The following APBA1 variants were observed in gnomAD, a reference collection of about 807,000 sequenced individuals.
APBA1 encodes the protein amyloid-beta A4 precursor protein-binding family A member 1.
APBA1 carries 55 observed loss-of-function variants against 86.6 expected under a neutral mutation model. The ratio of observed to expected loss-of-function variants is 0.64; its 90% CI spans 0.51 to 0.80. APBA1 has a LOEUF of 0.80. APBA1 is among the 30% of genes least tolerant of loss of function. The pLI, the probability that APBA1 is intolerant of heterozygous loss-of-function variation, is 0.00. For synonymous variants in APBA1, 511 were observed against 493.9 expected, an observed-to-expected ratio of 1.03 and a Z score of -0.46; for missense variants, 1,090 against 1,183.0, an observed-to-expected ratio of 0.92 and a Z score of 1.15.
At chr9:69,502,589 A>G (rs1426650266) in intron 2 of APBA1, among the ~76,000 whole-genome samples, 1 of 152,060 alleles carries the variant, frequency 6.6e-6, no homozygotes, top group South Asian at 2.1e-4. Flanking sequence ...GTTGTTATTG[A>G]CAACTAAAGT....
intron 5 of APBA1, among the ~76,000 whole-genome samples, chr9:69,459,467 G>GT (rs1835155072): frequency 6.6e-6 from 1 of 152,174 alleles, no homozygotes; most frequent in Non-Finnish European, 1.5e-5. Context: ...ATGTTATAAG[G>GT]TGCACACACA....
At chr9:69,472,268 AC>A (rs1835378549) in intron 3 of APBA1, among the ~76,000 whole-genome samples, 2 of 152,152 alleles carry the variant, frequency 1.3e-5, no homozygotes, top group Admixed American at 6.5e-5. Flanking sequence ...TAAATTAAAA[AC>A]CCTGGAATTT....
intron 2 of APBA1, among the ~76,000 whole-genome samples, chr9:69,489,604 C>T (rs1040654561): frequency 6.6e-6 from 1 of 152,082 alleles, no homozygotes; most frequent in African/African-American, 2.4e-5. Flanking sequence ...TCAGAATCTA[C>T]AATGAACTCA....
intron 1 of APBA1, among the ~76,000 whole-genome samples, chr9:69,542,569 A>G (rs1836631301): frequency 6.6e-6 from 1 of 152,246 alleles, no homozygotes. Context: ...AATTATGAAT[A>G]AAGCTGCTAT....
At chr9:69,643,588 C>G (rs1387941186) in intron 1 of APBA1, among the ~76,000 whole-genome samples, 1 of 152,152 alleles carries the variant, frequency 6.6e-6, no homozygotes, top group East Asian at 1.9e-4. Flanking sequence ...GGATACTTCT[C>G]TATGCACATG....
At chr9:69,588,542 A>AG (rs1001289540) in intron 1 of APBA1, among the ~76,000 whole-genome samples, 2 of 128,142 alleles carry the variant, frequency 1.6e-5, no homozygotes, top group African/African-American at 5.5e-5. Flanking sequence ...TGTGAAGATG[A>AG]GAAAAAAAAA....
chr9:69,607,616 T>A (rs1159020196), intron 1 of APBA1, among the ~76,000 whole-genome samples: 1 of 152,196 alleles, frequency 6.6e-6, no homozygotes, highest in Non-Finnish European at 1.5e-5. Context: ...TAGTACTCAT[T>A]CATAAATAAA....
intron 8 of APBA1, among the ~76,000 whole-genome samples, chr9:69,455,180 G>A (rs778162657): frequency 3.3e-5 from 5 of 152,156 alleles, no homozygotes; most frequent in Non-Finnish European, 5.9e-5. Flanking sequence ...AAGGAACCAA[G>A]GCTATCAGAC....
chr9:69,629,656 C>T (rs907354336), intron 1 of APBA1, among the ~76,000 whole-genome samples: 2 of 152,150 alleles, frequency 1.3e-5, no homozygotes, highest in East Asian at 3.9e-4. Flanking sequence ...GGAGTTCAGT[C>T]GAGTTAGGGG....
At chr9:69,597,562 G>A (rs999903368) in intron 1 of APBA1, among the ~76,000 whole-genome samples, 1 of 152,166 alleles carries the variant, frequency 6.6e-6, no homozygotes, top group African/African-American at 2.4e-5. Flanking sequence ...ATTGCTTTTG[G>A]TGTTTTAGAC....
At chr9:69,568,143 G>A (rs751258055) in intron 1 of APBA1, among the ~76,000 whole-genome samples, 8 of 152,118 alleles carry the variant, frequency 5.3e-5, no homozygotes, top group South Asian at 2.1e-4. Context: ...CGTTTTCCAC[G>A]TAGAGAAGAG....
chr9:69,561,698 C>T lies in APBA1; in HGVS notation c.-69-44419G>A, dbSNP rs556604374. 4.0e-5 allele frequency among the ~76,000 whole-genome samples: 6 copies of T among 151,602 alleles called. No individual in the cohort carries two copies. The South Asian group carries it at 1.0e-3, about 26-fold the overall frequency. On this transcript the variant is annotated intron_variant, in intron 1 of 12. Coordinates refer to ENST00000265381, the MANE Select transcript of APBA1 (RefSeq NM_001163.4). ...AGGCTGGACTGCAGTGGTGCCATCT[C>T]GACTCACTGCAACTTCCGCCTTACA... is the stretch of plus-strand genomic sequence containing the variant.
intron 2 of APBA1, among the ~76,000 whole-genome samples, chr9:69,486,517 A>G (rs1835612323): frequency 6.6e-6 from 1 of 152,158 alleles, no homozygotes; most frequent in South Asian, 2.1e-4. Flanking sequence ...GGTCCCCAGC[A>G]GGTGGCCAGG....
chr9:69,473,776 A>G (rs1268334128), intron 3 of APBA1, among the ~76,000 whole-genome samples: 1 of 152,204 alleles, frequency 6.6e-6, no homozygotes, highest in East Asian at 1.9e-4. Context: ...AACAGAGGGC[A>G]TTTGGTACAT....
chr9:69,448,158 C>T (rs1834943566), intron 10 of APBA1, among the ~76,000 whole-genome samples: 1 of 152,220 alleles, frequency 6.6e-6, no homozygotes, highest in African/African-American at 2.4e-5. Context: ...TCCCTTTCTG[C>T]TACCTACCTA....
chr9:69,504,652 C>T (rs901996743), intron 2 of APBA1, among the ~76,000 whole-genome samples: 1 of 152,010 alleles, frequency 6.6e-6, no homozygotes, highest in Non-Finnish European at 1.5e-5. Flanking sequence ...ATACACTCAT[C>T]TGTTGGGGAC....
chr9:69,616,605 T>C (rs189057197), intron 1 of APBA1, among the ~76,000 whole-genome samples: 6 of 152,268 alleles, frequency 3.9e-5, no homozygotes, highest in Non-Finnish European at 7.4e-5. Context: ...ACAGAACAGA[T>C]AAAATTGAAC....
chr9:69,577,672 CTGGTAT>C (rs950666411), intron 1 of APBA1, among the ~76,000 whole-genome samples: 1 of 152,152 alleles, frequency 6.6e-6, no homozygotes, highest in African/African-American at 2.4e-5. Context: ...CTATAAAAAT[CTGGTAT>C]CACTTCATAT....
At chr9:69,617,219 T>C (rs567665817) in intron 1 of APBA1, among the ~76,000 whole-genome samples, 3 of 152,308 alleles carry the variant, frequency 2.0e-5, no homozygotes, top group African/African-American at 7.2e-5. Context: ...TCCCTGAATA[T>C]GCACATAGCT....
Sources: allele counts gnomAD v4.1 joint callset (sites outside exome capture counted in the v4.1 genomes callset), GRCh38; gene constraint gnomAD v4.1.1; transcripts MANE v1.5; gene names NCBI Gene and HGNC (gene_info 2026-07-23, HGNC 2026-07-21).